The following IFT81 variants were observed in gnomAD, a reference collection of about 807,000 sequenced individuals.
The protein encoded by IFT81 is intraflagellar transport 81, also known as intraflagellar transport protein 81 homolog.
Under a neutral mutation model 102.6 loss-of-function variants are expected in IFT81, and 72 were observed. The observed-to-expected ratio is 0.70, with a 90% CI of 0.58 to 0.85. IFT81 has a LOEUF of 0.85. Ranked by LOEUF, IFT81 falls within the 40% of genes least tolerant of loss-of-function variation. IFT81 has a pLI of 0.00. For synonymous variants in IFT81, 237 were observed against 242.7 expected, an observed-to-expected ratio of 0.98 and a Z score of 0.22; for missense variants, 723 against 787.3, an observed-to-expected ratio of 0.92 and a Z score of 0.98.
At chr12:110,214,872 T>C (rs2137617149) in intron 18 of IFT81, among the ~76,000 whole-genome samples, 1 of 152,294 alleles carries the variant, frequency 6.6e-6, no homozygotes, top group East Asian at 1.9e-4. Context: ...GTCTTAAAAT[T>C]CTTGGTCTGC....
At chr12:110,150,821 A>G (rs963606583) in intron 10 of IFT81, among the ~76,000 whole-genome samples, 1 of 152,136 alleles carries the variant, frequency 6.6e-6, no homozygotes, top group South Asian at 2.1e-4. Context: ...CTTCCCACAT[A>G]GGTATTTTTT....
At position 110,180,482 on chromosome 12, in the gene IFT81, A is replaced by G. The variant is rs1217263833; in HGVS notation, c.1249A>G (p.Ile417Val). Residue 417 changes from isoleucine (I) to valine (V), a missense_variant, in exon 12 of 19, where the codon ATA becomes GTA. Ile to Val is a conservative substitution (Grantham distance 29). Coordinates refer to ENST00000242591, the MANE Select transcript of IFT81 (RefSeq NM_014055.4). ...KSTVFKKKHQ[I>V]IAELKAEFGL... ...TACAGTTTTCAAAAAGAAGCATCAG[A>G]TAATAGCTGAACTTAAAGCTGAATT... 1 of 1,611,370 alleles carries G rather than the reference A, an allele frequency of 6.2e-7. No homozygotes were observed. The highest frequency in any genetic ancestry group is 8.5e-7 in the Non-Finnish European group (1 of 1,177,888).
In IFT81 at chr12:110,205,524, A is replaced by G; in HGVS notation, c.1716+10A>G. The G allele has an allele frequency of 6.3e-7, 1 of 1,590,626 alleles. No individual in the cohort carries two copies. Among genetic ancestry groups the G allele is most frequent in the Non-Finnish European group, 8.5e-7 (1 of 1,172,232 alleles). On this transcript the variant is annotated intron_variant, in intron 16 of 18. Transcript: ENST00000242591. ...AAATTGTATGATTAAGGTAAGACAA[A>G]GTAGATCAAAAACATTTCTGAGTTT...
Position 110,191,009 on chromosome 12 carries a change from T to C in IFT81, c.1428T>C (p.Asp476=). Residue 476 remains aspartate, a synonymous_variant, in exon 13 of 19, where the codon GAT becomes GAC. Coordinates refer to ENST00000242591, the MANE Select transcript of IFT81 (RefSeq NM_014055.4). Reference sequence around the variant, plus strand: ...TATCTGCACTGAAGAGTGAAGTTGATGAAATGAAAGGACGAACATTGGATG... The same window carrying C: ...TATCTGCACTGAAGAGTGAAGTTGACGAAATGAAAGGACGAACATTGGATG... ...ERVSALKSEV[D]EMKGRTLDDM... The C allele has an allele frequency of 6.2e-7, 1 of 1,610,322 alleles. No homozygotes were observed.
intron 10 of IFT81, among the ~76,000 whole-genome samples, chr12:110,149,518 A>G (rs1269241509): frequency 6.6e-6 from 1 of 152,184 alleles, no homozygotes; most frequent in Non-Finnish European, 1.5e-5. Flanking sequence ...GGCTTTCTGT[A>G]TCCCTGGGGT....
At chr12:110,175,046 G>C (rs990017833) in intron 11 of IFT81, among the ~76,000 whole-genome samples, 1 of 152,202 alleles carries the variant, frequency 6.6e-6, no homozygotes, top group Non-Finnish European at 1.5e-5. Context: ...GACTAATTTA[G>C]ATTACAAATG....
chr12:110,183,994 A>T (rs560141890), intron 12 of IFT81, among the ~76,000 whole-genome samples: 1 of 152,198 alleles, frequency 6.6e-6, no homozygotes, highest in Non-Finnish European at 1.5e-5. Flanking sequence ...CACTTTAGCC[A>T]GGGGAAATGA....
chr12:110,194,763 T>C (rs887326502), intron 14 of IFT81, among the ~76,000 whole-genome samples: 1 of 152,232 alleles, frequency 6.6e-6, no homozygotes, highest in African/African-American at 2.4e-5. Context: ...AACAGCTCCA[T>C]ATGTATTTTC....
chr12:110,212,416 G>T (rs1869575180), intron 18 of IFT81, among the ~76,000 whole-genome samples: 2 of 151,624 alleles, frequency 1.3e-5, no homozygotes, highest in African/African-American at 4.8e-5. Context: ...GTGGTGGCAT[G>T]TGCCTGTGAT....
At chr12:110,214,413 A>T (rs1566176259) in intron 18 of IFT81, among the ~76,000 whole-genome samples, 1 of 152,030 alleles carries the variant, frequency 6.6e-6, no homozygotes, top group Non-Finnish European at 1.5e-5. Context: ...GAGTAGATCT[A>T]AATTTTCAAG....
intron 18 of IFT81, among the ~76,000 whole-genome samples, chr12:110,216,293 G>A (rs1486442918): frequency 6.7e-6 from 1 of 149,588 alleles, no homozygotes; most frequent in Non-Finnish European, 1.5e-5. Flanking sequence ...TGGCTCAAGT[G>A]ACCCTTCCAC....
At chr12:110,130,445 C>T (rs1395156016) in intron 4 of IFT81, among the ~76,000 whole-genome samples, 1 of 150,958 alleles carries the variant, frequency 6.6e-6, no homozygotes, top group East Asian at 1.9e-4. Context: ...TCTCGGCTCA[C>T]TGCAACCTCC....
intron 11 of IFT81, among the ~76,000 whole-genome samples, chr12:110,163,715 A>G (rs2137444744): frequency 1.3e-5 from 2 of 149,582 alleles, no homozygotes; most frequent in Admixed American, 1.4e-4. Flanking sequence ...TTCTGGGTTC[A>G]AGTGATTCTC....
At chr12:110,125,805 C>T (rs12306972) in intron 1 of IFT81, among the ~76,000 whole-genome samples, 63,940 of 152,120 alleles carry the variant, frequency 0.42, 14,741 homozygotes, top group African/African-American at 0.6. Flanking sequence ...TGATCTTTCT[C>T]ACTGCCAGCC....
intron 17 of IFT81, among the ~76,000 whole-genome samples, chr12:110,206,065 A>G (rs1324979297): frequency 6.6e-6 from 1 of 152,170 alleles, no homozygotes; most frequent in Non-Finnish European, 1.5e-5. Flanking sequence ...ATTCCCCGCC[A>G]CCCAGGAATA....
chr12:110,217,107 C>T (rs535365772), intron 18 of IFT81, among the ~76,000 whole-genome samples: 1 of 152,038 alleles, frequency 6.6e-6, no homozygotes, highest in Non-Finnish European at 1.5e-5. Context: ...CATAGTGGCA[C>T]GACTGCAGCT....
intron 2 of IFT81, 21 bp downstream of exon 2, chr12:110,127,545 T>C (rs1427310242): frequency 6.4e-7 from 1 of 1,571,524 alleles, no homozygotes; most frequent in African/African-American, 1.4e-5. Flanking sequence ...TCTCTTTCTT[T>C]TTGATGGGTA....
At chr12:110,209,867 C>T (rs1455476979) in intron 18 of IFT81, among the ~76,000 whole-genome samples, 3 of 152,012 alleles carry the variant, frequency 2.0e-5, no homozygotes, top group African/African-American at 7.3e-5. Flanking sequence ...GTTCTAAGCC[C>T]TAGTCTAAGC....
At chr12:110,172,376 G>A (rs1896781666) in intron 11 of IFT81, among the ~76,000 whole-genome samples, 1 of 123,888 alleles carries the variant, frequency 8.1e-6, no homozygotes, top group Non-Finnish European at 1.8e-5. Context: ...CTCTCCCCAC[G>A]GTCTCCCTCT....
Sources: gnomAD v4.1 joint callset for allele counts (sites outside exome capture counted in the v4.1 genomes callset) on GRCh38, gnomAD v4.1.1 for gene constraint, MANE v1.5 for transcripts, NCBI Gene and HGNC (gene_info 2026-07-23, HGNC 2026-07-21) for gene names.